Variants in SUCLG2 observed in about 807,000 individuals in gnomAD.
The protein encoded by SUCLG2 is succinate--CoA ligase [GDP-forming] subunit beta, mitochondrial.
A neutral mutation model predicts 47.9 loss-of-function variants in SUCLG2; 42 were observed. That is an observed-to-expected ratio of 0.88 (90% CI 0.69 to 1.14). The LOEUF (loss-of-function observed/expected upper bound fraction) is 1.14, where lower values mean the gene tolerates loss of function less well. Ranked by LOEUF, SUCLG2 falls within the 50% of genes most tolerant of loss-of-function variation. The pLI is 0.00. For synonymous variants in SUCLG2, 195 were observed against 197.3 expected (o/e 0.99, Z 0.10); for missense variants, 571 against 525.9 (o/e 1.09, Z -0.84).
chr3:67,625,034 A>G (rs964044678), intron 1 of SUCLG2, among the ~76,000 whole-genome samples: 6 of 152,248 alleles, frequency 3.9e-5, no homozygotes, highest in South Asian at 2.1e-4. Context: ...AGAGGAGCCG[A>G]AGAACCTAAG....
rs377513332 is a variant in SUCLG2 at position 67,498,247 on chromosome 3, C to T, written c.806G>A (p.Arg269Gln). ...KINFDDNAEF[R>Q]QKDIFAMDDK... ...GTCCATAGCAAATATGTCTTTTTGT[C>T]GGAATTCTGCGTTGTCATCAAAGTT... The change falls in exon 8 of 11, where the codon CGA (arginine) becomes CAA (glutamine). Residue 269 changes from arginine to glutamine, a missense_variant. Transcript: ENST00000307227. 23 of 1,613,626 alleles carry T rather than the reference C, an allele frequency of 1.4e-5. No individual in the cohort carries two copies. Among genetic ancestry groups the T allele is most frequent in the East Asian group, 8.9e-5 (4 of 44,864 alleles).
intron 9 of SUCLG2, among the ~76,000 whole-genome samples, chr3:67,493,136 C>T (rs1705244623): frequency 1.3e-5 from 2 of 152,120 alleles, no homozygotes; most frequent in Admixed American, 6.5e-5. Flanking sequence ...CAGGTGGACA[C>T]GAAATAATTA....
At chr3:67,645,215 T>C (rs944975132) in intron 1 of SUCLG2, among the ~76,000 whole-genome samples, 3 of 152,212 alleles carry the variant, frequency 2.0e-5, no homozygotes, top group African/African-American at 7.2e-5. Context: ...ATTAAAATTA[T>C]ATTTTATACA....
intron 1 of SUCLG2, among the ~76,000 whole-genome samples, chr3:67,653,699 C>T (rs1327499206): frequency 6.6e-6 from 1 of 152,216 alleles, no homozygotes; most frequent in Non-Finnish European, 1.5e-5. Context: ...CTAACCAGTT[C>T]AGTGGTTGAG....
chr3:67,635,153 G>A (rs1700987684), intron 1 of SUCLG2, among the ~76,000 whole-genome samples: 1 of 152,128 alleles, frequency 6.6e-6, no homozygotes, highest in South Asian at 2.1e-4. Context: ...AGTGACCTAG[G>A]ACATTCAAAT....
intron 2 of SUCLG2, among the ~76,000 whole-genome samples, chr3:67,550,486 A>G (rs1214333159): frequency 1.3e-5 from 2 of 152,014 alleles, no homozygotes; most frequent in Admixed American, 6.6e-5. Flanking sequence ...AGCTGAGAAC[A>G]CAAGTGCACA....
At chr3:67,443,202 G>C (rs1703816677) in intron 9 of SUCLG2, among the ~76,000 whole-genome samples, 1 of 152,096 alleles carries the variant, frequency 6.6e-6, no homozygotes, top group East Asian at 1.9e-4. Flanking sequence ...TCAGGGACTT[G>C]AGCATGTGCT....
At chr3:67,411,983 T>C (rs545279538) in intron 9 of SUCLG2, among the ~76,000 whole-genome samples, 26 of 152,250 alleles carry the variant, frequency 1.7e-4, no homozygotes, top group African/African-American at 6.3e-4. Context: ...ATATTTAATA[T>C]CAGGAGGAAT....
rs539738727 is a variant in SUCLG2, at chr3:67,403,363, T to A, written c.1063-2512A>T. Among the ~76,000 whole-genome samples the A allele has an allele frequency of 2.9e-4, 44 of 152,318 alleles. 1 individual carries two copies. The highest frequency in any genetic ancestry group is 5.5e-4 in the African/African-American group (23 of 41,568). On this transcript the variant is annotated intron_variant, in intron 9 of 10. Transcript: ENST00000307227. ...AAGATTATGTATTTTCCCATTTTTT[T>A]AATAATCAGTAGCCAGCACAATCCA...
chr3:67,369,567 C>T (rs114764937), intron 10 of SUCLG2, among the ~76,000 whole-genome samples: 1 of 152,114 alleles, frequency 6.6e-6, no homozygotes, highest in Admixed American at 6.5e-5. Context: ...TTGTGTGTAG[C>T]GGGGAGGAAA....
At chr3:67,603,604 C>G (rs1191868152) in intron 2 of SUCLG2, among the ~76,000 whole-genome samples, 2 of 152,078 alleles carry the variant, frequency 1.3e-5, no homozygotes, top group African/African-American at 2.4e-5. Context: ...AATTTTCTTT[C>G]CCAACAAAAA....
chr3:67,514,327 T>G (rs1705882358), intron 6 of SUCLG2: 1 of 388,884 alleles, frequency 2.6e-6, no homozygotes, highest in Non-Finnish European at 5.2e-6. Context: ...ATATTAAGTC[T>G]GGCAATGATG....
At chr3:67,629,156 T>C (rs542728712) in intron 1 of SUCLG2, among the ~76,000 whole-genome samples, 8 of 152,358 alleles carry the variant, frequency 5.3e-5, no homozygotes, top group African/African-American at 1.7e-4. Flanking sequence ...ATGTCATGTG[T>C]GGTGTTTTCT....
chr3:67,569,228 C>T (rs1707547331), intron 2 of SUCLG2, among the ~76,000 whole-genome samples: 2 of 152,198 alleles, frequency 1.3e-5, no homozygotes, highest in Non-Finnish European at 2.9e-5. Context: ...ATTAAAAATG[C>T]TAAATTCTTA....
chr3:67,367,664 AAGTGAGGAGTGTCTCC>A (rs1490076246), intron 10 of SUCLG2, among the ~76,000 whole-genome samples: 1 of 152,188 alleles, frequency 6.6e-6, no homozygotes, highest in Non-Finnish European at 1.5e-5. Context: ...TACCTACTAG[AAGTGAGGAGTGTCTCC>A]AGTTTCAACA....
rs181286295 is a variant in SUCLG2, at chr3:67,639,485, C to G, written c.84+15018G>C. Among the ~76,000 whole-genome samples the G allele has an allele frequency of 1.6e-3, 243 of 152,120 alleles. 4 individuals are homozygous for G. The highest frequency in any genetic ancestry group is 4.4e-3 in the Admixed American group (68 of 15,286). ...GTGCTCCATCCGCATGGCCTCAGAT[C>G]GCGCCACCATTTTTATACAGACTCA... is the stretch of plus-strand genomic sequence containing the variant. On this transcript the variant is annotated intron_variant, in intron 1 of 10. Coordinates refer to ENST00000307227, the MANE Select transcript of SUCLG2 (RefSeq NM_003848.4).
At chr3:67,363,163 A>G (rs1441191577) in intron 10 of SUCLG2, among the ~76,000 whole-genome samples, 1 of 152,216 alleles carries the variant, frequency 6.6e-6, no homozygotes, top group African/African-American at 2.4e-5. Flanking sequence ...TAAAATAACC[A>G]AAAGAACCCT....
intron 10 of SUCLG2, among the ~76,000 whole-genome samples, chr3:67,380,875 T>C (rs1424115724): frequency 2.6e-5 from 4 of 152,174 alleles, no homozygotes; most frequent in African/African-American, 9.7e-5. Flanking sequence ...GCTGGCACCA[T>C]CTCTTTGCAG....
chr3:67,524,546 T>TG (rs1417724142), intron 4 of SUCLG2, among the ~76,000 whole-genome samples: 1 of 152,190 alleles, frequency 6.6e-6, no homozygotes, highest in Non-Finnish European at 1.5e-5. Context: ...CATAACACAT[T>TG]GGCACAGACT....
Sources: gnomAD v4.1 joint callset for allele counts (sites outside exome capture counted in the v4.1 genomes callset) on GRCh38, gnomAD v4.1.1 for gene constraint, MANE v1.5 for transcripts, NCBI Gene and HGNC (gene_info 2026-07-23, HGNC 2026-07-21) for gene names.